PATL1: variants seen among roughly 807,000 people sequenced by gnomAD.
PATL1 encodes PAT1 homolog 1, processing body mRNA decay factor.
In PATL1, 32 loss-of-function variants were observed where a neutral mutation model predicts 100.6. The ratio of observed to expected loss-of-function variants is 0.32; its 90% CI spans 0.24 to 0.43. The LOEUF (loss-of-function observed/expected upper bound fraction) is 0.43, where lower values mean the gene tolerates loss of function less well. PATL1 is among the 20% of genes least tolerant of loss of function. The probability of loss-of-function intolerance (pLI) is 1.00; values close to 1 mark genes in which losing one functional copy is unlikely to be tolerated. For missense variants in PATL1, 747 were observed against 949.9 expected, an observed-to-expected ratio of 0.79 and a Z score of 2.81; for synonymous variants, 332 against 330.0, an observed-to-expected ratio of 1.01 and a Z score of -0.07.
rs1554984900 is a variant in PATL1 at position 59,658,174 on chromosome 11, A to AAAAAG, written c.427-451_427-450insCTTTT. On this transcript the variant is annotated intron_variant, in intron 4 of 18. Coordinates refer to ENST00000300146, the MANE Select transcript of PATL1 (RefSeq NM_152716.3). ...GCAAGACCTGGTCTCAAAAAAAAAA[A>AAAAAG]AAAGAAAGAAAGAGAGAGCAAGAAC... Among the ~76,000 whole-genome samples, 580 of 150,580 alleles carry AAAAAG rather than the reference A, an allele frequency of 3.9e-3. 7 individuals carry two copies. The highest frequency in any genetic ancestry group is 0.013 in the African/African-American group (521 of 40,516).
chr11:59,668,904 AG>A lies in PATL1; in HGVS notation c.-10del. ...ACCTCGTAGCGGAACATTCTTGGGG[AG>A]GGGGGCAGGGAGCGGGGAGGGGAGA... On this transcript the variant is annotated 5_prime_UTR_variant, in exon 1 of 19. Coordinates refer to ENST00000300146, the MANE Select transcript of PATL1 (RefSeq NM_152716.3). 23 of 372,720 alleles carry A rather than the reference AG, an allele frequency of 6.2e-5. No homozygotes were observed. Among genetic ancestry groups the A allele is most frequent in the Non-Finnish European group, 8.9e-5 (21 of 235,060 alleles). 23.1% of individuals were successfully genotyped at this position (372,720 alleles called of 1,614,324 possible). A position where few individuals can be genotyped will look rare whatever the true frequency, so the allele number is the denominator to read the frequency against.
chr11:59,655,538 T>C lies in PATL1; in HGVS notation c.1016A>G (p.His339Arg). ...TTTTGTATACCTTAGGTTTTGCAGG[T>C]GGGGTCCTGGGCCAGGAGGGTGCTG... ...PQQHPPGPGP[H>R]LQNLRSQAPM... Residue 339 changes from histidine to arginine, a missense_variant, in exon 8 of 19, where the codon CAC becomes CGC. Coordinates refer to ENST00000300146, the MANE Select transcript of PATL1 (RefSeq NM_152716.3). 1 of 1,577,138 alleles carries C rather than the reference T, an allele frequency of 6.3e-7. No individual in the cohort carries two copies. Among genetic ancestry groups the C allele is most frequent in the Non-Finnish European group, 8.6e-7 (1 of 1,160,700 alleles).
chr11:59,655,478 A>C (rs1363612970), intron 8 of PATL1, 45 bp downstream of exon 8: 1 of 1,429,504 alleles, frequency 7.0e-7, no homozygotes, highest in East Asian at 2.5e-5. Flanking sequence ...CACAATCAAG[A>C]GACTTGGCTG....
At chr11:59,667,401 C>G (rs931792049) in intron 1 of PATL1, among the ~76,000 whole-genome samples, 9 of 152,124 alleles carry the variant, frequency 5.9e-5, no homozygotes, top group African/African-American at 2.2e-4. Flanking sequence ...ATCTTTTCAA[C>G]TATTATTCCG....
At chr11:59,653,864 G>A in intron 9 of PATL1, 119 bp downstream of exon 9, 9 of 794,356 alleles carry the variant, frequency 1.1e-5, no homozygotes, top group Non-Finnish European at 1.9e-5. Context: ...AATACATCCA[G>A]GTTTATGGAT....
At chr11:59,648,449 G>C (rs1187688941) in intron 14 of PATL1, among the ~76,000 whole-genome samples, 1 of 149,160 alleles carries the variant, frequency 6.7e-6, no homozygotes, top group African/African-American at 2.5e-5. Flanking sequence ...GCCTCCCAAA[G>C]TGCTTGGCCT....
At chr11:59,646,026 T>C (rs1208804537) in intron 15 of PATL1, among the ~76,000 whole-genome samples, 1 of 152,182 alleles carries the variant, frequency 6.6e-6, no homozygotes, top group Non-Finnish European at 1.5e-5. Context: ...TTTGCATTCT[T>C]ATCTTTTAGC....
chr11:59,641,620 G>A (rs1177636527), intron 16 of PATL1, among the ~76,000 whole-genome samples: 4 of 151,872 alleles, frequency 2.6e-5, no homozygotes, highest in African/African-American at 9.7e-5. Context: ...GTGCGTGGTG[G>A]CATGTGCCTG....
At chr11:59,660,736 A>C in intron 2 of PATL1, among the ~76,000 whole-genome samples, 1 of 152,174 alleles carries the variant, frequency 6.6e-6, no homozygotes, top group Non-Finnish European at 1.5e-5. Flanking sequence ...AAGCCAATGG[A>C]AATTTTCATT....
chr11:59,658,174 A>AAG (rs1565135074), intron 4 of PATL1, among the ~76,000 whole-genome samples: 2 of 150,500 alleles, frequency 1.3e-5, no homozygotes, highest in Admixed American at 1.3e-4. Flanking sequence ...AAAAAAAAAA[A>AAG]AAAGAAAGAA....
intron 15 of PATL1, among the ~76,000 whole-genome samples, chr11:59,644,035 T>G (rs532013927): frequency 6.6e-6 from 1 of 152,328 alleles, no homozygotes; most frequent in African/African-American, 2.4e-5. Context: ...GGTTTTACTT[T>G]AAATGGCAAC....
chr11:59,644,173 T>A (rs182020966), intron 15 of PATL1, among the ~76,000 whole-genome samples: 1 of 152,292 alleles, frequency 6.6e-6, no homozygotes, highest in East Asian at 1.9e-4. Flanking sequence ...CACCACCCAA[T>A]TTCAACATCA....
Position 59,668,949 on chromosome 11 carries a change from G to C in PATL1, c.-54C>G, listed in dbSNP as rs1351472037. ...GGGGAGAGGGGGAGGGAGGGAAGAA[G>C]CGCTGACTCCCCGGCTCCTCCGCGC... On this transcript the variant is annotated 5_prime_UTR_variant, in exon 1 of 19. Transcript: ENST00000300146. 5 of 383,264 alleles carry C rather than the reference G, an allele frequency of 1.3e-5. No homozygotes were observed. The highest frequency in any genetic ancestry group is 8.6e-5 in the African/African-American group (4 of 46,500). The allele number at this position is 383,264 out of a possible 1,614,324, so 23.7% of individuals were successfully genotyped here.
At chr11:59,667,534 G>A (rs1043225571) in intron 1 of PATL1, among the ~76,000 whole-genome samples, 1 of 152,212 alleles carries the variant, frequency 6.6e-6, no homozygotes, top group African/African-American at 2.4e-5. Context: ...GCTGTGGTAT[G>A]ACAAGTTCAA....
At chr11:59,667,497 A>AACC (rs1245638862) in intron 1 of PATL1, among the ~76,000 whole-genome samples, 1 of 152,216 alleles carries the variant, frequency 6.6e-6, no homozygotes, top group East Asian at 1.9e-4. Flanking sequence ...TTAGGTCTTC[A>AACC]ACCACAATAA....
intron 8 of PATL1, 77 bp downstream of exon 8, chr11:59,655,446 G>A (rs1408333581): frequency 7.9e-6 from 10 of 1,265,386 alleles, no homozygotes; most frequent in African/African-American, 1.5e-5. Flanking sequence ...CAAATATCAA[G>A]AGACTTATAA....
intron 11 of PATL1, among the ~76,000 whole-genome samples, chr11:59,651,975 G>C (rs1861450937): frequency 7.0e-6 from 1 of 143,320 alleles, no homozygotes; most frequent in South Asian, 2.3e-4. Context: ...TGAGACATGA[G>C]AATCGCTTGA....
intron 15 of PATL1, 128 bp downstream of exon 15, chr11:59,647,626 A>C (rs1861382508): frequency 1.0e-6 from 1 of 992,960 alleles, no homozygotes. Flanking sequence ...GTTTTAAATA[A>C]TCAAATCACA....
chr11:59,655,601 A>G lies in PATL1; in HGVS notation c.953T>C (p.Phe318Ser), dbSNP rs1414118571. 1.9e-6 allele frequency: 3 copies of G among 1,592,390 alleles called. No individual in the cohort carries two copies. Among genetic ancestry groups the G allele is most frequent in the Admixed American group, 1.8e-5 (1 of 56,094 alleles). ...MLPPAPGFRAFFSAPPSATPP... is the reference protein window; with the variant it reads ...MLPPAPGFRASFSAPPSATPP... ...TGTAGCGGAGGGTGGAGCACTAAAG[A>G]AGGCACGGAAGCCTGGTGCTGGGGG... is the stretch of plus-strand genomic sequence containing the variant. Residue 318 changes from phenylalanine (F) to serine (S), a missense_variant, in exon 8 of 19, where the codon TTC (phenylalanine) becomes TCC (serine). Phe to Ser is a radical substitution (Grantham distance 155). Coordinates refer to ENST00000300146, the MANE Select transcript of PATL1 (RefSeq NM_152716.3).
Sources: allele counts gnomAD v4.1 joint callset (sites outside exome capture counted in the v4.1 genomes callset), GRCh38; gene constraint gnomAD v4.1.1; transcripts MANE v1.5; gene names NCBI Gene and HGNC (gene_info 2026-07-23, HGNC 2026-07-21).